The following GRID2 variants were observed in gnomAD, a reference collection of about 807,000 sequenced individuals.
GRID2 encodes the protein glutamate receptor ionotropic, delta-2.
Under a neutral mutation model 114.8 loss-of-function variants are expected in GRID2, and 33 were observed. That is an observed-to-expected ratio of 0.29 (90% CI 0.22 to 0.38). GRID2 has a LOEUF of 0.38. Ranked by LOEUF, GRID2 falls within the 10% of genes least tolerant of loss-of-function variation. The pLI, the probability that GRID2 is intolerant of heterozygous loss-of-function variation, is 1.00. For synonymous variants in GRID2, 505 were observed against 449.9 expected, an observed-to-expected ratio of 1.12 and a Z score of -1.55; for missense variants, 1,184 against 1,257.7, an observed-to-expected ratio of 0.94 and a Z score of 0.89.
chr4:93,421,928 A>G (rs1768329733), intron 9 of GRID2, among the ~76,000 whole-genome samples: 1 of 152,184 alleles, frequency 6.6e-6, no homozygotes, highest in Admixed American at 6.5e-5. Flanking sequence ...GATGGACTAC[A>G]TACACCATGA....
chr4:92,781,109 G>A (rs1389680192), intron 2 of GRID2, among the ~76,000 whole-genome samples: 2 of 152,028 alleles, frequency 1.3e-5, no homozygotes, highest in African/African-American at 2.4e-5. Context: ...GCCGGGCATG[G>A]TGGCACGTGC....
At chr4:93,189,597 T>C (rs1485764500) in intron 4 of GRID2, among the ~76,000 whole-genome samples, 1 of 152,100 alleles carries the variant, frequency 6.6e-6, no homozygotes, top group East Asian at 1.9e-4. Flanking sequence ...TGACTGATAA[T>C]TCAATGTGTA....
intron 2 of GRID2, 24 bp from the exon 3 acceptor site, chr4:93,084,971 G>T: frequency 1.2e-6 from 2 of 1,601,142 alleles, no homozygotes; most frequent in Non-Finnish European, 1.7e-6. Context: ...CTGACATTTT[G>T]AATATTACTG....
chr4:92,719,592 A>G (rs1735715340), intron 2 of GRID2, among the ~76,000 whole-genome samples: 1 of 152,160 alleles, frequency 6.6e-6, no homozygotes, highest in Non-Finnish European at 1.5e-5. Context: ...AGGTAGAGAA[A>G]TGCTACTAAA....
chr4:92,929,294 A>C (rs2149517825), intron 2 of GRID2, among the ~76,000 whole-genome samples: 1 of 151,480 alleles, frequency 6.6e-6, no homozygotes, highest in South Asian at 2.1e-4. Context: ...GAAGGTAAAC[A>C]TATGTGGATA....
intron 14 of GRID2, among the ~76,000 whole-genome samples, chr4:93,691,327 G>T (rs565847334): frequency 6.6e-6 from 1 of 152,022 alleles, no homozygotes; most frequent in Admixed American, 6.6e-5. Context: ...TATTCAAAGC[G>T]TTTTATGGAT....
intron 2 of GRID2, among the ~76,000 whole-genome samples, chr4:93,006,861 A>G (rs966264895): frequency 2.0e-5 from 3 of 151,984 alleles, no homozygotes; most frequent in Non-Finnish European, 4.4e-5. Context: ...AAAATTTTCA[A>G]CTGATGAAAT....
At position 92,873,876 on chromosome 4, in the gene GRID2, G is replaced by A. The variant is rs578197841; in HGVS notation, c.245-211119G>A. Among the ~76,000 whole-genome samples, 8 of 152,134 alleles carry A rather than the reference G, an allele frequency of 5.3e-5. No homozygotes were observed. The East Asian group carries it at 7.7e-4, about 15-fold the overall frequency. Reference sequence around the variant, plus strand: ...ATTACAGGCATGTGCCACCACACCCGGCTAATTTTGTATTTGTAGTAGAGA... The same window carrying A: ...ATTACAGGCATGTGCCACCACACCCAGCTAATTTTGTATTTGTAGTAGAGA... On this transcript the variant is annotated intron_variant, in intron 2 of 15. Transcript: ENST00000282020.
chr4:93,344,116 A>G (rs1031873956), intron 8 of GRID2, among the ~76,000 whole-genome samples: 36 of 152,064 alleles, frequency 2.4e-4, no homozygotes. Context: ...AAGCCTTATA[A>G]TTGTTCCAAG....
chr4:93,401,552 G>A (rs899698504), intron 9 of GRID2, among the ~76,000 whole-genome samples: 74 of 151,958 alleles, frequency 4.9e-4, no homozygotes, highest in African/African-American at 1.6e-3. Flanking sequence ...AACGTCACTG[G>A]GCAAGAAGCC....
chr4:93,662,152 C>G (rs1723555183), intron 14 of GRID2, among the ~76,000 whole-genome samples: 1 of 151,974 alleles, frequency 6.6e-6, no homozygotes, highest in Non-Finnish European at 1.5e-5. Flanking sequence ...TTCCAAATAT[C>G]TAAATGGCTT....
At position 93,170,795 on chromosome 4, in the gene GRID2, C is replaced by T. The variant is rs185257169; in HGVS notation, c.736-36609C>T. Reference sequence around the variant, plus strand: ...CACATCCACTTAGATGTCAAATAGGCTTTAAAATGTAAAATGACCAAATTT... The same window carrying T: ...CACATCCACTTAGATGTCAAATAGGTTTTAAAATGTAAAATGACCAAATTT... On this transcript the variant is annotated intron_variant, in intron 4 of 15. Coordinates refer to ENST00000282020, the MANE Select transcript of GRID2 (RefSeq NM_001510.4). 3.0e-4 allele frequency among the ~76,000 whole-genome samples: 46 copies of T among 152,030 alleles called. No individual in the cohort carries two copies. The East Asian group carries it at 8.5e-3, about 28-fold the overall frequency.
chr4:93,035,371 C>G (rs962777305), intron 2 of GRID2, among the ~76,000 whole-genome samples: 25 of 152,188 alleles, frequency 1.6e-4, no homozygotes, highest in African/African-American at 5.5e-4. Context: ...TCCTAGACCT[C>G]CCGTACTGCT....
intron 14 of GRID2, among the ~76,000 whole-genome samples, chr4:93,756,563 A>C (rs557229592): frequency 6.5e-4 from 99 of 152,168 alleles, no homozygotes; most frequent in Non-Finnish European, 1.2e-3. Context: ...TCATGTAAAG[A>C]GAGAGCAAAC....
chr4:92,494,502 ATAT>A (rs1723296175), intron 1 of GRID2, among the ~76,000 whole-genome samples: 1 of 152,018 alleles, frequency 6.6e-6, no homozygotes, highest in Non-Finnish European at 1.5e-5. Flanking sequence ...TGTTTTGATA[ATAT>A]TAATTACAAA....
intron 13 of GRID2, among the ~76,000 whole-genome samples, chr4:93,558,340 C>G (rs1484193192): frequency 6.6e-6 from 1 of 151,728 alleles, no homozygotes; most frequent in Non-Finnish European, 1.5e-5. Flanking sequence ...AGACTACTAG[C>G]CAGACTAATA....
intron 2 of GRID2, among the ~76,000 whole-genome samples, chr4:92,917,200 T>G (rs564947377): frequency 8.9e-4 from 136 of 152,276 alleles, no homozygotes; most frequent in African/African-American, 3.2e-3. Context: ...CACGTGGTGA[T>G]GGGGTTGTTT....
At chr4:92,818,699 C>T (rs976601307) in intron 2 of GRID2, among the ~76,000 whole-genome samples, 1 of 152,212 alleles carries the variant, frequency 6.6e-6, no homozygotes, top group African/African-American at 2.4e-5. Context: ...CCCAGAGCAG[C>T]CCCTCTGGAA....
chr4:92,620,296 A>T (rs184510132), intron 2 of GRID2, among the ~76,000 whole-genome samples: 1 of 151,942 alleles, frequency 6.6e-6, no homozygotes, highest in Non-Finnish European at 1.5e-5. Context: ...TAAGTGATGG[A>T]TTAAGGGTCA....
Sources: allele counts gnomAD v4.1 joint callset (sites outside exome capture counted in the v4.1 genomes callset), GRCh38; gene constraint gnomAD v4.1.1; transcripts MANE v1.5; gene names NCBI Gene and HGNC (gene_info 2026-07-23, HGNC 2026-07-21).